Variants in HECW2 observed in about 807,000 individuals in gnomAD.
HECW2 encodes the protein E3 ubiquitin-protein ligase HECW2.
A neutral mutation model predicts 175.2 loss-of-function variants in HECW2; 61 were observed. That is an observed-to-expected ratio of 0.35 (90% CI 0.28 to 0.43). HECW2 has a LOEUF of 0.43. HECW2 is among the 20% of genes least tolerant of loss of function. The pLI is 1.00. For missense variants in HECW2, 1,524 were observed against 2,000.5 expected, an observed-to-expected ratio of 0.76 and a Z score of 4.54; for synonymous variants, 671 against 731.0, an observed-to-expected ratio of 0.92 and a Z score of 1.32.
chr2:196,395,137 C>T (rs1694624147), intron 2 of HECW2, among the ~76,000 whole-genome samples: 1 of 152,186 alleles, frequency 6.6e-6, no homozygotes, highest in Non-Finnish European at 1.5e-5. Flanking sequence ...GGTATCAATA[C>T]ATGAATTTTG....
intron 1 of HECW2, chr2:196,586,386 A>G (rs1690974783): frequency 6.6e-6 from 1 of 152,190 alleles, no homozygotes. Flanking sequence ...TTCTTGCTCC[A>G]AAGATATCTT....
intron 17 of HECW2, among the ~76,000 whole-genome samples, chr2:196,262,715 G>T (rs1474902868): frequency 6.6e-6 from 1 of 152,000 alleles, no homozygotes; most frequent in East Asian, 1.9e-4. Flanking sequence ...ACAGGAATGC[G>T]CCACCATGTC....
chr2:196,552,915 T>A (rs1421858987), intron 1 of HECW2, among the ~76,000 whole-genome samples: 1 of 152,196 alleles, frequency 6.6e-6, no homozygotes, highest in African/African-American at 2.4e-5. Context: ...CCTCTCAGTA[T>A]AACCCTAGAA....
Position 196,318,639 on chromosome 2 carries a change from C to T in HECW2, c.2251G>A (p.Glu751Lys), listed in dbSNP as rs984877524. Residue 751 changes from glutamate to lysine, a missense_variant, in exon 9 of 29, where the codon GAG becomes AAG. Coordinates refer to ENST00000644978, the MANE Select transcript of HECW2 (RefSeq NM_001348768.2). The stretch of plus-strand genomic sequence containing the variant: ...CTGCCTTCTTCTTGCGGTGGGCTCT[C>T]GGCAGCAGCTGCAGCTCCCTCCAGG... ...GSLEGAAAAA[E>K]SPPQEEGSAG... The T allele has an allele frequency of 1.3e-5, 20 of 1,598,308 alleles. No individual in the cohort carries two copies. Among genetic ancestry groups the T allele is most frequent in the East Asian group, 2.2e-5 (1 of 44,670 alleles).
chr2:196,443,348 G>A (rs1696093335), intron 1 of HECW2, among the ~76,000 whole-genome samples: 7 of 152,142 alleles, frequency 4.6e-5, no homozygotes, highest in Admixed American at 3.3e-4. Flanking sequence ...AATGTGTAAC[G>A]AGAAGCATAT....
At chr2:196,321,419 G>T (rs184564511) in intron 7 of HECW2, among the ~76,000 whole-genome samples, 11 of 129,438 alleles carry the variant, frequency 8.5e-5, no homozygotes, top group Non-Finnish European at 1.7e-4. Context: ...ACAGAGTCTC[G>T]CTCTGTTGCC....
chr2:196,567,150 ATG>A (rs1690218051), intron 1 of HECW2, among the ~76,000 whole-genome samples: 1 of 152,150 alleles, frequency 6.6e-6, no homozygotes, highest in South Asian at 2.1e-4. Context: ...TGGGGTACAA[ATG>A]TGGATGAGGC....
chr2:196,582,817 T>C (rs1378271471), intron 1 of HECW2, among the ~76,000 whole-genome samples: 1 of 152,216 alleles, frequency 6.6e-6, no homozygotes, highest in African/African-American at 2.4e-5. Context: ...CATACAAACT[T>C]ACATGTAATT....
chr2:196,251,455 C>A (rs146298449), intron 19 of HECW2, among the ~76,000 whole-genome samples: 1 of 152,180 alleles, frequency 6.6e-6, no homozygotes, highest in Admixed American at 6.5e-5. Context: ...CTCTCCTGTG[C>A]GCCATGGCTG....
At position 196,201,162 on chromosome 2, in the gene HECW2, C is replaced by A. The variant is rs1248088113; in HGVS notation, c.*115G>T. The A allele has an allele frequency of 5.5e-6, 4 of 727,388 alleles. No individual in the cohort carries two copies. Among genetic ancestry groups the A allele is most frequent in the African/African-American group, 1.7e-5 (1 of 57,246 alleles). The allele number at this position is 727,388 out of a possible 1,614,324, so 45.1% of individuals were successfully genotyped here. A position where few individuals can be genotyped will look rare whatever the true frequency, so the allele number is the denominator to read the frequency against. Reference sequence around the variant, plus strand: ...AGCACTTGTTCCTGGAAAACAACAGCACATAGCTTTATCCTAAAGGAAGCA... The same window carrying A: ...AGCACTTGTTCCTGGAAAACAACAGAACATAGCTTTATCCTAAAGGAAGCA... On this transcript the variant is annotated 3_prime_UTR_variant, in exon 29 of 29. Transcript: ENST00000644978.
At chr2:196,510,689 T>C (rs543783580) in intron 1 of HECW2, among the ~76,000 whole-genome samples, 1 of 152,292 alleles carries the variant, frequency 6.6e-6, no homozygotes, top group Non-Finnish European at 1.5e-5. Context: ...ATATGGGAAT[T>C]GTTATTTTTT....
chr2:196,458,965 T>G (rs530863586), intron 1 of HECW2, among the ~76,000 whole-genome samples: 1 of 152,350 alleles, frequency 6.6e-6, no homozygotes, highest in South Asian at 2.1e-4. Context: ...GGATTTATTA[T>G]ATGTCCAGTT....
At chr2:196,353,988 A>T (rs1244519576) in intron 2 of HECW2, among the ~76,000 whole-genome samples, 1 of 152,118 alleles carries the variant, frequency 6.6e-6, no homozygotes, top group East Asian at 1.9e-4. Context: ...GTATGACCTC[A>T]TTCTTCTTGG....
At chr2:196,220,196 A>G in intron 25 of HECW2, 43 bp from the exon 26 acceptor site, 1 of 1,232,392 alleles carries the variant, frequency 8.1e-7, no homozygotes, top group Non-Finnish European at 1.2e-6. Context: ...AGGAGCCTGG[A>G]GAAATATCAG....
At chr2:196,401,255 C>T (rs1469857108) in intron 2 of HECW2, among the ~76,000 whole-genome samples, 2 of 152,136 alleles carry the variant, frequency 1.3e-5, no homozygotes, top group Non-Finnish European at 2.9e-5. Context: ...AATTATAGTA[C>T]AAGCATATTA....
At chr2:196,296,132 G>C (rs1690804487) in intron 13 of HECW2, among the ~76,000 whole-genome samples, 1 of 151,784 alleles carries the variant, frequency 6.6e-6, no homozygotes, top group African/African-American at 2.4e-5. Context: ...TGTGTGTATA[G>C]ATATGTATAT....
In HECW2 at chr2:196,325,123, C is replaced by G; in HGVS notation, c.598G>C (p.Gly200Arg). The change falls in exon 6 of 29, where the codon GGG (glycine) becomes CGG (arginine). Residue 200 changes from glycine to arginine, a missense_variant. Gly to Arg is a moderately radical substitution (Grantham distance 125, BLOSUM62 -2). This residue lies in a region of HECW2 where 54 missense variants were observed against 46.8 expected (regional missense o/e 1.15). Transcript: ENST00000644978. ...SDLRAVGLKK[G>R]MFFNPDPYLK... ...TAAGGGTCAGGATTGAAGAACATCC[C>G]TTTCTTTAGCCCAACTGCCCTAAGA... 1 of 1,604,072 alleles carries G rather than the reference C, an allele frequency of 6.2e-7. No homozygotes were observed. Among genetic ancestry groups the G allele is most frequent in the Non-Finnish European group, 8.5e-7 (1 of 1,176,258 alleles).
chr2:196,272,982 T>C (rs1186530287), intron 16 of HECW2, among the ~76,000 whole-genome samples: 1 of 151,904 alleles, frequency 6.6e-6, no homozygotes, highest in Non-Finnish European at 1.5e-5. Flanking sequence ...TACATTGAAT[T>C]TCATGACATT....
chr2:196,283,740 A>G (rs1050656549), intron 14 of HECW2, among the ~76,000 whole-genome samples: 4 of 152,192 alleles, frequency 2.6e-5, no homozygotes, highest in African/African-American at 9.7e-5. Flanking sequence ...CAGTCAAATC[A>G]AATCCCACTG....
Sources: allele counts gnomAD v4.1 joint callset (sites outside exome capture counted in the v4.1 genomes callset), GRCh38; gene constraint gnomAD v4.1.1; regional missense constraint gnomAD v4.1.1; transcripts MANE v1.5; gene names NCBI Gene and HGNC (gene_info 2026-07-23, HGNC 2026-07-21).